Variants in PTPRT observed in about 807,000 individuals in gnomAD.
PTPRT encodes protein tyrosine phosphatase receptor type T.
In PTPRT, 56 loss-of-function variants were observed where a neutral mutation model predicts 176.8. The ratio of observed to expected loss-of-function variants is 0.32; its 90% CI spans 0.26 to 0.40. The LOEUF (loss-of-function observed/expected upper bound fraction) is 0.40. Among genes scored for constraint, PTPRT ranks in the 10% least tolerant of loss-of-function variants. The pLI is 1.00. For missense variants in PTPRT, 1,540 were observed against 1,908.2 expected (o/e 0.81, Z 3.60); for synonymous variants, 783 against 739.0 (o/e 1.06, Z -0.96).
At chr20:42,210,373 T>C (rs1265177281) in intron 15 of PTPRT, among the ~76,000 whole-genome samples, 3 of 151,942 alleles carry the variant, frequency 2.0e-5, no homozygotes, top group Admixed American at 6.6e-5. Context: ...TGTTTGCAGA[T>C]GACATGATTG....
intron 28 of PTPRT, 98 bp from the exon 29 acceptor site, chr20:42,084,943 A>G: frequency 9.4e-7 from 1 of 1,067,950 alleles, no homozygotes; most frequent in Non-Finnish European, 1.2e-6. Context: ...GGTGGAAGAC[A>G]GACCAAATGG....
chr20:42,369,693 C>T (rs6124450), intron 9 of PTPRT, among the ~76,000 whole-genome samples: 2 of 151,954 alleles, frequency 1.3e-5, no homozygotes, highest in African/African-American at 4.8e-5. Flanking sequence ...GAAAAGCCAG[C>T]GTGCAGAAAG....
intron 6 of PTPRT, among the ~76,000 whole-genome samples, chr20:42,700,328 C>T (rs2075956167): frequency 1.3e-5 from 2 of 152,122 alleles, no homozygotes; most frequent in African/African-American, 4.8e-5. Context: ...CCCACTGAGC[C>T]TCAGCCCCCA....
intron 7 of PTPRT, among the ~76,000 whole-genome samples, chr20:42,478,465 C>T (rs2071328434): frequency 6.6e-6 from 1 of 152,074 alleles, no homozygotes; most frequent in Non-Finnish European, 1.5e-5. Context: ...ATCCTAATAC[C>T]CGAGCCCACC....
At chr20:42,769,938 C>T (rs367649534) in intron 5 of PTPRT, among the ~76,000 whole-genome samples, 17 of 152,216 alleles carry the variant, frequency 1.1e-4, no homozygotes, top group South Asian at 1.0e-3. Context: ...AGCAGATTGG[C>T]GGTTGCTTGT....
chr20:42,806,793 G>C (rs981252426), intron 2 of PTPRT, among the ~76,000 whole-genome samples: 12 of 152,260 alleles, frequency 7.9e-5, no homozygotes, highest in Middle Eastern at 3.4e-3. Flanking sequence ...CTCTGACTTA[G>C]TACCAGGCAA....
chr20:42,276,496 AATATATAT>A (rs61484693), intron 13 of PTPRT, among the ~76,000 whole-genome samples: 19 of 44,156 alleles, frequency 4.3e-4, no homozygotes, highest in Admixed American at 9.2e-4. Context: ...GAAAGAAGGA[AATATATAT>A]ATATATATAT....
chr20:42,244,470 T>C (rs945460662), intron 14 of PTPRT, among the ~76,000 whole-genome samples: 2 of 152,144 alleles, frequency 1.3e-5, no homozygotes, highest in Non-Finnish European at 2.9e-5. Context: ...GCTAGAACCA[T>C]GGATGGTACC....
intron 1 of PTPRT, among the ~76,000 whole-genome samples, chr20:42,922,784 G>T (rs967408103): frequency 6.6e-6 from 1 of 152,090 alleles, no homozygotes; most frequent in Non-Finnish European, 1.5e-5. Flanking sequence ...GATTAGCTGA[G>T]GGTCACTCAA....
intron 6 of PTPRT, among the ~76,000 whole-genome samples, chr20:42,728,047 G>A (rs1341083079): frequency 1.3e-5 from 2 of 152,134 alleles, no homozygotes; most frequent in East Asian, 3.9e-4. Context: ...GCTGGCTCCA[G>A]ACGACCTTCC....
At chr20:42,186,650 C>A (rs954647285) in intron 16 of PTPRT, among the ~76,000 whole-genome samples, 1 of 151,998 alleles carries the variant, frequency 6.6e-6, no homozygotes, top group African/African-American at 2.4e-5. Context: ...CAATCAGAAG[C>A]AAAAGAATTG....
chr20:43,009,631 G>C lies in PTPRT; in HGVS notation c.89-123699C>G, dbSNP rs557171978. Among the ~76,000 whole-genome samples, 34 of 152,312 alleles carry C rather than the reference G, an allele frequency of 2.2e-4. No homozygotes were observed. In the South Asian group the frequency reaches 2.5e-3, roughly 11 times the overall value. On this transcript the variant is annotated intron_variant, in intron 1 of 30. Transcript: ENST00000373187. Reference sequence around the variant, plus strand: ...GCAGGCTGAAGCACTGACTGCAGCTGAGGGCAGTGGAGGGCCATCCCGTGA... The same window carrying C: ...GCAGGCTGAAGCACTGACTGCAGCTCAGGGCAGTGGAGGGCCATCCCGTGA...
chr20:42,756,888 A>G (rs1323923740), intron 5 of PTPRT, among the ~76,000 whole-genome samples: 4 of 152,058 alleles, frequency 2.6e-5, no homozygotes, highest in Non-Finnish European at 4.4e-5. Context: ...TGCCTCTACA[A>G]GAAATTTTAA....
At chr20:42,876,045 C>G (rs1487274073) in intron 2 of PTPRT, among the ~76,000 whole-genome samples, 1 of 152,186 alleles carries the variant, frequency 6.6e-6, no homozygotes, top group Non-Finnish European at 1.5e-5. Context: ...CTCCTTCCCT[C>G]TCTCCATCCT....
intron 7 of PTPRT, among the ~76,000 whole-genome samples, chr20:42,583,921 A>C (rs2073424228): frequency 6.6e-6 from 1 of 152,084 alleles, no homozygotes; most frequent in Non-Finnish European, 1.5e-5. Context: ...TATTTCTCCC[A>C]CTATGTCTTC....
intron 1 of PTPRT, among the ~76,000 whole-genome samples, chr20:43,064,898 C>T (rs575958473): frequency 6.6e-6 from 1 of 152,348 alleles, no homozygotes; most frequent in African/African-American, 2.4e-5. Flanking sequence ...TATTTCTAGA[C>T]TTAGTCATGA....
At chr20:42,282,073 G>T (rs2057148599) in intron 13 of PTPRT, among the ~76,000 whole-genome samples, 1 of 152,058 alleles carries the variant, frequency 6.6e-6, no homozygotes, top group Non-Finnish European at 1.5e-5. Context: ...CCTCATTTTT[G>T]AAAGCTGTGT....
At chr20:42,733,754 C>G (rs1408475128) in intron 6 of PTPRT, among the ~76,000 whole-genome samples, 1 of 152,238 alleles carries the variant, frequency 6.6e-6, no homozygotes, top group South Asian at 2.1e-4. Context: ...TCAACATACA[C>G]ATCTTCACTT....
rs898399190 is a variant in PTPRT at position 42,077,423 on chromosome 20, A to G, written c.*3456T>C. ...TCTTCCCCAAACAGAGCCCACATCT[A>G]TGAGGTAAGAGCTCCTGTTGTAAAG... On this transcript the variant is annotated 3_prime_UTR_variant, in exon 31 of 31. Transcript: ENST00000373187. The G allele has an allele frequency of 4.5e-6, 1 of 222,576 alleles. No individual in the cohort carries two copies. The highest frequency in any genetic ancestry group is 9.0e-6 in the Non-Finnish European group (1 of 111,388). The allele number at this position is 222,576 out of a possible 1,614,324, so 13.8% of individuals were successfully genotyped here. A position where few individuals can be genotyped will look rare whatever the true frequency, so the allele number is the denominator to read the frequency against.
Sources: gnomAD v4.1 joint callset for allele counts (sites outside exome capture counted in the v4.1 genomes callset) on GRCh38, gnomAD v4.1.1 for gene constraint, MANE v1.5 for transcripts, NCBI Gene and HGNC (gene_info 2026-07-23, HGNC 2026-07-21) for gene names.